Variants in OS9 observed in about 807,000 individuals in gnomAD.
OS9 encodes the protein protein OS-9.
A neutral mutation model predicts 84.7 loss-of-function variants in OS9; 58 were observed. The ratio of observed to expected loss-of-function variants is 0.68; its 90% CI spans 0.55 to 0.85. The LOEUF is 0.85. Ranked by LOEUF, OS9 falls within the 40% of genes least tolerant of loss-of-function variation. OS9 has a pLI of 0.00. For synonymous variants in OS9, 278 were observed against 320.8 expected, an observed-to-expected ratio of 0.87 and a Z score of 1.43; for missense variants, 760 against 850.9, an observed-to-expected ratio of 0.89 and a Z score of 1.33.
chr12:57,720,881 CAG>C lies in OS9; in HGVS notation c.1977_1978del (p.Asp661ProfsTer5). 6.2e-7 allele frequency: 1 copy of C among 1,614,174 alleles called. No homozygotes were observed. Among genetic ancestry groups the C allele is most frequent in the Non-Finnish European group, 8.5e-7 (1 of 1,179,998 alleles). On this transcript the variant is annotated frameshift_variant, in exon 15 of 15. Coordinates refer to ENST00000315970, the MANE Select transcript of OS9 (RefSeq NM_006812.4). LOFTEE classifies it high-confidence loss of function. ...TGGGGCTCTCCAGGTGGGGAGGGCA[CAG>C]GGGACCTGGACGAATTTGACTTCTG... is the stretch of plus-strand genomic sequence containing the variant.
At chr12:57,702,188 C>G (rs147119714) in intron 5 of OS9, among the ~76,000 whole-genome samples, 20 of 152,316 alleles carry the variant, frequency 1.3e-4, no homozygotes, top group Non-Finnish European at 2.5e-4. Context: ...ATTCAGTGTT[C>G]TATCACCATC....
rs779408064 is a variant in OS9 at position 57,718,107 on chromosome 12, A to G, written c.1135-39A>G. The G allele has an allele frequency of 1.9e-6, 3 of 1,597,606 alleles. No individual in the cohort carries two copies. In the South Asian group the frequency reaches 3.4e-5, roughly 18 times the overall value. On this transcript the variant is annotated intron_variant, in intron 10 of 14. Transcript: ENST00000315970. ...GCCCCCGACCATGTGTCTCTGTTGA[A>G]ACCCCAACTGTCTTTCTCCCCACTC...
In OS9 at chr12:57,721,014, G is replaced by A; in HGVS notation, c.*105G>A. The A allele has an allele frequency of 7.4e-7, 1 of 1,345,354 alleles. No individual in the cohort carries two copies. Among genetic ancestry groups the A allele is most frequent in the Non-Finnish European group, 1.0e-6 (1 of 954,698 alleles). The allele number at this position is 1,345,354 out of a possible 1,614,324, so 83.3% of individuals were successfully genotyped here. ...GAACCCCTGAGGGCCAAACAGCAGA[G>A]TGGAGCTGAGCTGTGGACCTCTCGG... On this transcript the variant is annotated 3_prime_UTR_variant, in exon 15 of 15. Transcript: ENST00000315970.
At position 57,710,859 on chromosome 12, in the gene OS9, G is replaced by A. The variant is rs574431933; in HGVS notation, c.580-4901G>A. Among the ~76,000 whole-genome samples, 3 of 151,924 alleles carry A rather than the reference G, an allele frequency of 2.0e-5. No homozygotes were observed. The East Asian group carries it at 5.8e-4, about 29-fold the overall frequency. On this transcript the variant is annotated intron_variant, in intron 5 of 14. Transcript: ENST00000315970. Reference sequence around the variant, plus strand: ...GTTCAAGACCAGCTTGGCCCATATGGTGAAACCCTGTCTCTACTAAAAATA... The same window carrying A: ...GTTCAAGACCAGCTTGGCCCATATGATGAAACCCTGTCTCTACTAAAAATA...
In OS9 at chr12:57,705,315, C is replaced by T. The variant is rs187418594; in HGVS notation, c.579+8942C>T. The stretch of plus-strand genomic sequence containing the variant: ...TTGATACTTTATAATATGAAGTCTT[C>T]ATACACTATGAACGTGTTTGTTTCC... On this transcript the variant is annotated intron_variant, in intron 5 of 14. Transcript: ENST00000315970. 3.7e-3 allele frequency among the ~76,000 whole-genome samples: 564 copies of T among 152,256 alleles called. 13 individuals carry two copies. In the South Asian group the frequency reaches 0.066, roughly 18 times the overall value.
intron 2 of OS9, chr12:57,695,182 TAGG>T (rs1479492047): frequency 1.9e-6 from 1 of 516,314 alleles, no homozygotes; most frequent in Non-Finnish European, 3.5e-6. Flanking sequence ...CTGCGTGGGG[TAGG>T]AGGAGTACTT....
intron 5 of OS9, among the ~76,000 whole-genome samples, chr12:57,715,417 T>TAC (rs151193153): frequency 0.041 from 6,254 of 152,072 alleles, 186 homozygotes; most frequent in Non-Finnish European, 0.063. Flanking sequence ...AGTATATATA[T>TAC]ACACACACAC....
At chr12:57,708,739 T>C (rs1954246739) in intron 5 of OS9, among the ~76,000 whole-genome samples, 1 of 152,232 alleles carries the variant, frequency 6.6e-6, no homozygotes, top group South Asian at 2.1e-4. Context: ...TAGCTTGCTT[T>C]AAATCTTTTA....
At position 57,720,507 on chromosome 12, in the gene OS9, T is replaced by C. The variant is rs759886836; in HGVS notation, c.1867T>C (p.Phe623Leu). 6.2e-7 allele frequency: 1 copy of C among 1,609,082 alleles called. No homozygotes were observed. The highest frequency in any genetic ancestry group is 1.1e-5 in the South Asian group (1 of 90,984). The part of the protein sequence containing the change: ...EDTRNLKEIF[F>L]NILVPGAEEA... The stretch of plus-strand genomic sequence containing the variant: ...CACGAGAAACCTCAAGGAGATCTTC[T>C]TCAATATCTTGGTAAGAGGCTTCTA... Residue 623 changes from phenylalanine (F) to leucine (L), a missense_variant, in exon 14 of 15, where the codon TTC becomes CTC. Physicochemically the swap from Phe to Leu is conservative, Grantham distance 22. Transcript: ENST00000315970.
chr12:57,718,340 C>T lies in OS9; in HGVS notation c.1329C>T (p.Ile443=), dbSNP rs767035787. The part of the protein sequence containing the change: ...LGEFEKELEG[I]LLPSDRDRLR... ...AATTTGAGAAGGAACTGGAAGGGAT[C>T]CTGCTTCCGTCAGACCGAGACCGGC... is the stretch of plus-strand genomic sequence containing the variant. The change falls in exon 11 of 15, where the codon ATC becomes ATT. Residue 443 remains isoleucine, a synonymous_variant. Transcript: ENST00000315970. 1.2e-6 allele frequency: 2 copies of T among 1,614,216 alleles called. No homozygotes were observed. The highest frequency in any genetic ancestry group is 1.1e-5 in the South Asian group (1 of 91,084).
At position 57,694,184 on chromosome 12, in the gene OS9, C is replaced by A; in HGVS notation, c.23C>A (p.Ser8Tyr). The A allele has an allele frequency of 6.2e-7, 1 of 1,614,160 alleles. No homozygotes were observed. Among genetic ancestry groups the A allele is most frequent in the South Asian group, 1.1e-5 (1 of 91,082 alleles). The change falls in exon 1 of 15, where the codon TCC (serine) becomes TAC (tyrosine). Residue 8 changes from serine (S) to tyrosine (Y), a missense_variant. By Grantham distance (144) the Ser-to-Tyr change is moderately radical. Coordinates refer to ENST00000315970, the MANE Select transcript of OS9 (RefSeq NM_006812.4). The stretch of plus-strand genomic sequence containing the variant: ...AAGATGGCGGCGGAAACGCTGCTGT[C>A]CAGTTTGTTAGGACTGCTGCTTCTG... MAAETLL[S>Y]SLLGLLLLGL... is the part of the protein sequence containing the mutation.
chr12:57,720,259 T>TGCAGGTGGGCCCTGGAGG lies in OS9; in HGVS notation c.1764_1765+16dup, dbSNP rs772738843. The TGCAGGTGGGCCCTGGAGG allele has an allele frequency of 2.7e-5, 43 of 1,613,726 alleles. No homozygotes were observed. Among genetic ancestry groups the TGCAGGTGGGCCCTGGAGG allele is most frequent in the Non-Finnish European group, 3.4e-5 (40 of 1,179,936 alleles). ...TGCTGGAGAGGGAGGGACTCACAGC[T>TGCAGGTGGGCCCTGGAGG]GCAGGTGGGCCCTGGAGGGCGGCTG... is the stretch of plus-strand genomic sequence containing the variant. On this transcript the variant is annotated inframe_insertion, in exon 13 of 15. Coordinates refer to ENST00000315970, the MANE Select transcript of OS9 (RefSeq NM_006812.4).
At chr12:57,714,153 C>A (rs1954413352) in intron 5 of OS9, among the ~76,000 whole-genome samples, 1 of 151,546 alleles carries the variant, frequency 6.6e-6, no homozygotes, top group Non-Finnish European at 1.5e-5. Context: ...AACATTTCTT[C>A]ATTTGTTATA....
intron 5 of OS9, among the ~76,000 whole-genome samples, chr12:57,702,364 T>C (rs530863265): frequency 6.6e-6 from 1 of 152,368 alleles, no homozygotes; most frequent in South Asian, 2.1e-4. Context: ...CTTATTTCAC[T>C]TAGCATGGTG....
chr12:57,698,328 C>T (rs1043121565), intron 5 of OS9, among the ~76,000 whole-genome samples: 42 of 152,092 alleles, frequency 2.8e-4, no homozygotes, highest in African/African-American at 8.2e-4. Flanking sequence ...TCTAGTTATT[C>T]GTTTGGGTGT....
At chr12:57,714,862 G>T (rs1164676367) in intron 5 of OS9, among the ~76,000 whole-genome samples, 2 of 152,162 alleles carry the variant, frequency 1.3e-5, no homozygotes, top group Non-Finnish European at 2.9e-5. Flanking sequence ...CTCCCAAAGT[G>T]TTGGGATTAC....
intron 5 of OS9, among the ~76,000 whole-genome samples, chr12:57,711,504 A>G (rs1429767000): frequency 6.6e-6 from 1 of 151,572 alleles, no homozygotes; most frequent in Non-Finnish European, 1.5e-5. Context: ...GCGCCACCAC[A>G]CCCAGCTAAT....
intron 5 of OS9, among the ~76,000 whole-genome samples, chr12:57,697,226 A>AG (rs1565766331): frequency 1.3e-5 from 2 of 152,234 alleles, no homozygotes; most frequent in Admixed American, 6.5e-5. Context: ...ATGATGCGCA[A>AG]GTCAAATGAT....
rs912915720 is a variant in OS9 at position 57,712,569 on chromosome 12, C to T, written c.580-3191C>T. Reference sequence around the variant, plus strand: ...TTGTGAGATCCAACATCTGGGCCCTCTCACAGGTGGTTTCTGTTGCCTGCA... The same window carrying T: ...TTGTGAGATCCAACATCTGGGCCCTTTCACAGGTGGTTTCTGTTGCCTGCA... On this transcript the variant is annotated intron_variant, in intron 5 of 14. Coordinates refer to ENST00000315970, the MANE Select transcript of OS9 (RefSeq NM_006812.4). 1.8e-4 allele frequency among the ~76,000 whole-genome samples: 28 copies of T among 152,260 alleles called. 1 individual carries two copies. Among genetic ancestry groups the T allele is most frequent in the Middle Eastern group, 3.4e-3 (1 of 294 alleles).
Sources: gnomAD v4.1 joint callset for allele counts (sites outside exome capture counted in the v4.1 genomes callset) on GRCh38, gnomAD v4.1.1 for gene constraint, MANE v1.5 for transcripts, NCBI Gene and HGNC (gene_info 2026-07-23, HGNC 2026-07-21) for gene names.